ATG2B: variants seen among roughly 807,000 people sequenced by gnomAD.
ATG2B encodes the protein autophagy-related protein 2 homolog B.
ATG2B carries 121 observed loss-of-function variants against 241.3 expected under a neutral mutation model. The ratio of observed to expected loss-of-function variants is 0.50; its 90% confidence interval spans 0.43 to 0.58. ATG2B has a LOEUF of 0.58. ATG2B is among the 20% of genes least tolerant of loss of function. ATG2B has a pLI of 0.00. For missense variants in ATG2B, 2,306 were observed against 2,491.6 expected (o/e 0.93, Z 1.59); for synonymous variants, 858 against 876.6 (o/e 0.98, Z 0.37).
chr14:96,301,129 G>A (rs1422631403), intron 34 of ATG2B, among the ~76,000 whole-genome samples: 10 of 152,192 alleles, frequency 6.6e-5, no homozygotes, highest in Admixed American at 6.5e-4. Flanking sequence ...AATAACAACA[G>A]TTAACATTAC....
At chr14:96,291,458 T>C in intron 38 of ATG2B, 142 bp downstream of exon 38, 1 of 524,666 alleles carries the variant, frequency 1.9e-6, no homozygotes, top group South Asian at 3.8e-5. Flanking sequence ...AGTGCCTAAA[T>C]CTTAAGAGTC....
intron 20 of ATG2B, 147 bp from the exon 21 acceptor site, chr14:96,316,830 T>C (rs1049940061): frequency 9.0e-6 from 6 of 668,378 alleles, no homozygotes; most frequent in South Asian, 2.0e-5. Context: ...TTCAATATCA[T>C]GGTATAAAAT....
At chr14:96,353,206 G>A (rs1023393654) in intron 1 of ATG2B, among the ~76,000 whole-genome samples, 4 of 152,086 alleles carry the variant, frequency 2.6e-5, no homozygotes, top group East Asian at 1.9e-4. Flanking sequence ...ACACTATGAC[G>A]TTCACACAAC....
Position 96,349,933 on chromosome 14 carries a change from G to A in ATG2B, c.163-2592C>T, listed in dbSNP as rs552022706. 3.9e-5 allele frequency among the ~76,000 whole-genome samples: 6 copies of A among 152,238 alleles called. No individual in the cohort carries two copies. In the East Asian group the frequency reaches 1.2e-3, roughly 29 times the overall value. The stretch of plus-strand genomic sequence containing the variant: ...CCAACACTGGGAAGCCAAGGCGGGA[G>A]GATCTTGAGCTGAGCAGTTTGAGAC... On this transcript the variant is annotated intron_variant, in intron 1 of 41. Transcript: ENST00000359933.
intron 27 of ATG2B, 86 bp downstream of exon 27, chr14:96,311,456 T>C (rs1419119440): frequency 6.3e-6 from 8 of 1,275,670 alleles, no homozygotes; most frequent in Non-Finnish European, 8.8e-6. Flanking sequence ...CTGACCAAAA[T>C]TAGGTACACG....
chr14:96,319,424 CT>C (rs1037499988), intron 18 of ATG2B, among the ~76,000 whole-genome samples: 1 of 152,110 alleles, frequency 6.6e-6, no homozygotes, highest in African/African-American at 2.4e-5. Context: ...AATTAGAATT[CT>C]TTTTTATATT....
intron 18 of ATG2B, 140 bp from the exon 19 acceptor site, chr14:96,317,995 G>A: frequency 2.9e-5 from 17 of 576,720 alleles, no homozygotes; most frequent in East Asian, 5.9e-5. Flanking sequence ...ACAAGAATTT[G>A]GAAAAACAAC....
intron 6 of ATG2B, among the ~76,000 whole-genome samples, chr14:96,337,510 T>C (rs1887898318): frequency 6.6e-6 from 1 of 152,106 alleles, no homozygotes; most frequent in African/African-American, 2.4e-5. Context: ...GTACAACCAC[T>C]ACAGAGAACA....
chr14:96,292,013 T>G lies in ATG2B; in HGVS notation c.5496+16A>C. 4.5e-6 allele frequency: 7 copies of G among 1,554,374 alleles called. No individual in the cohort carries two copies. The highest frequency in any genetic ancestry group is 6.1e-6 in the Non-Finnish European group (7 of 1,140,678). On this transcript the variant is annotated intron_variant, in intron 37 of 41. Coordinates refer to ENST00000359933, the MANE Select transcript of ATG2B (RefSeq NM_018036.7). ...ATATGATAATTTTGTGGAGTATATT[T>G]GTAGAGTTTCCCAACCTGATCCATT...
chr14:96,356,520 C>T (rs1449814352), intron 1 of ATG2B, among the ~76,000 whole-genome samples: 4 of 151,978 alleles, frequency 2.6e-5, no homozygotes, highest in Non-Finnish European at 5.9e-5. Flanking sequence ...GCTCATAGAA[C>T]AAGCTTTTAA....
chr14:96,316,619 G>T lies in ATG2B; in HGVS notation c.3275C>A (p.Ser1092Ter). Residue 1092 changes from serine (S) to a stop codon, truncating the protein, a stop_gained, in exon 21 of 42, where the codon TCA (serine) becomes TAA (stop). Coordinates refer to ENST00000359933, the MANE Select transcript of ATG2B (RefSeq NM_018036.7). LOFTEE classifies it high-confidence loss of function. ...TTCATATTTTGTCACACAAAATAATGAACCACTATTGAACTCTAACCAGAA... is the reference window on the plus strand; with the variant it reads ...TTCATATTTTGTCACACAAAATAATTAACCACTATTGAACTCTAACCAGAA... ...GEFWLEFNSGSLFCVTKYEGF... is the reference protein window; with the variant it reads ...GEFWLEFNSG 6.2e-7 allele frequency: 1 copy of T among 1,613,134 alleles called. No homozygotes were observed. The highest frequency in any genetic ancestry group is 1.1e-5 in the South Asian group (1 of 90,884).
intron 6 of ATG2B, among the ~76,000 whole-genome samples, chr14:96,337,641 C>G: frequency 6.6e-6 from 1 of 152,056 alleles, no homozygotes; most frequent in Non-Finnish European, 1.5e-5. Flanking sequence ...GACTAAGTGC[C>G]TATTTTTATA....
Position 96,304,611 on chromosome 14 carries a change from T to TAA in ATG2B, c.4734-9_4734-8insTT. 2.2e-6 allele frequency: 3 copies of TAA among 1,355,620 alleles called. No homozygotes were observed. Among genetic ancestry groups the TAA allele is most frequent in the Non-Finnish European group, 2.9e-6 (3 of 1,025,356 alleles). 84.0% of individuals were successfully genotyped at this position (1,355,620 alleles called of 1,614,324 possible). On this transcript the variant is annotated splice_polypyrimidine_tract_variant and intron_variant, in intron 31 of 41. Coordinates refer to ENST00000359933, the MANE Select transcript of ATG2B (RefSeq NM_018036.7). ...GGCGAACTGTGGGGACTACTAAAAA[T>TAA]GAGCAAAAAAAAAAAAAACCCTTTT...
At chr14:96,299,531 A>G (rs1886733623) in intron 34 of ATG2B, among the ~76,000 whole-genome samples, 1 of 152,222 alleles carries the variant, frequency 6.6e-6, no homozygotes, top group African/African-American at 2.4e-5. Context: ...TCTTGAATGA[A>G]TTGATACGCT....
At chr14:96,332,763 T>C (rs1159756710) in intron 8 of ATG2B, 108 bp from the exon 9 acceptor site, 2 of 850,526 alleles carry the variant, frequency 2.4e-6, no homozygotes, top group East Asian at 3.1e-5. Context: ...TTATATGAGA[T>C]ACAGCGATGC....
At chr14:96,296,079 A>C (rs1886632665) in intron 34 of ATG2B, among the ~76,000 whole-genome samples, 2 of 151,938 alleles carry the variant, frequency 1.3e-5, no homozygotes, top group Non-Finnish European at 2.9e-5. Flanking sequence ...TCAGCCTCCC[A>C]AGTGGCTGGG....
chr14:96,304,689 G>A (rs1886888056), intron 31 of ATG2B, 86 bp from the exon 32 acceptor site: 1 of 1,067,634 alleles, frequency 9.4e-7, no homozygotes, highest in Non-Finnish European at 1.4e-6. Flanking sequence ...AAAATGATAA[G>A]ATGAAAGACA....
chr14:96,292,390 G>A (rs931745846), intron 36 of ATG2B, among the ~76,000 whole-genome samples: 10 of 151,976 alleles, frequency 6.6e-5, no homozygotes, highest in Admixed American at 6.6e-5. Flanking sequence ...AACATAAAAT[G>A]TAATAAAAAC....
In ATG2B at chr14:96,282,172, A is replaced by G. The variant is rs1886216679; in HGVS notation, c.*3583T>C. 6.6e-6 allele frequency: 1 copy of G among 152,150 alleles called. No homozygotes were observed. The highest frequency in any genetic ancestry group is 2.1e-4 in the South Asian group (1 of 4,826). The allele number at this position is 152,150 out of a possible 1,614,324, so 9.4% of individuals were successfully genotyped here. On this transcript the variant is annotated 3_prime_UTR_variant, in exon 42 of 42. Coordinates refer to ENST00000359933, the MANE Select transcript of ATG2B (RefSeq NM_018036.7). The stretch of plus-strand genomic sequence containing the variant: ...GCAATGAAAAAGAAATTTTTCCTTC[A>G]TTATCTATAAACTATACAAATAACC...
Sources: gnomAD v4.1 joint callset for allele counts (sites outside exome capture counted in the v4.1 genomes callset) on GRCh38, gnomAD v4.1.1 for gene constraint, MANE v1.5 for transcripts, NCBI Gene and HGNC (gene_info 2026-07-23, HGNC 2026-07-21) for gene names.